Variants in RBFOX1 observed in about 807,000 individuals in gnomAD.
RBFOX1 encodes the protein RNA binding fox-1 homolog 1, also known as RNA binding protein fox-1 homolog 1.
In RBFOX1, 8 loss-of-function variants were observed where a neutral mutation model predicts 57.7. The ratio of observed to expected loss-of-function variants is 0.14; its 90% CI spans 0.08 to 0.25. The LOEUF is 0.25. Ranked by LOEUF, RBFOX1 falls within the 10% of genes least tolerant of loss-of-function variation. The pLI, the probability that RBFOX1 is intolerant of heterozygous loss-of-function variation, is 1.00. For missense variants in RBFOX1, 611 were observed against 548.5 expected, an observed-to-expected ratio of 1.11 and a Z score of -1.14; for synonymous variants, 326 against 222.4, an observed-to-expected ratio of 1.47 and a Z score of -4.15.
intron 1 of RBFOX1, among the ~76,000 whole-genome samples, chr16:6,295,608 A>C (rs1472563598): frequency 6.6e-6 from 1 of 152,224 alleles, no homozygotes; most frequent in Non-Finnish European, 1.5e-5. Context: ...ACATCCCTAA[A>C]AGCTGCAGAG....
chr16:6,111,352 C>T lies in RBFOX1; in HGVS notation c.-127+91360C>T, dbSNP rs546442276. ...TTGTTAGAACTAGTTTTATGGTGAA[C>T]TGGGATGGGCTTATTTTCTTGAAGC... On this transcript the variant is annotated intron_variant, in intron 1 of 15. Transcript: ENST00000550418. 5.3e-5 allele frequency among the ~76,000 whole-genome samples: 8 copies of T among 152,254 alleles called. No homozygotes were observed. The East Asian group carries it at 1.5e-3, about 29-fold the overall frequency.
chr16:6,416,449 C>T (rs1237637254), intron 2 of RBFOX1, among the ~76,000 whole-genome samples: 1 of 152,118 alleles, frequency 6.6e-6, no homozygotes. Context: ...CTAATTCCTT[C>T]CCTCCCTGCC....
At chr16:5,329,978 G>A (rs958109879) in intron 1 of RBFOX1, among the ~76,000 whole-genome samples, 13 of 46,662 alleles carry the variant, frequency 2.8e-4, no homozygotes, top group African/African-American at 3.4e-4. Context: ...GCGAGACTCT[G>A]TCTCAAAAAA....
chr16:6,922,239 C>T (rs1251692360), intron 3 of RBFOX1, among the ~76,000 whole-genome samples: 1 of 152,112 alleles, frequency 6.6e-6, no homozygotes, highest in East Asian at 1.9e-4. Flanking sequence ...TGGCATCGAT[C>T]TCAGAAAGAC....
intron 9 of RBFOX1, among the ~76,000 whole-genome samples, chr16:7,600,266 T>G (rs910709404): frequency 6.6e-6 from 1 of 152,198 alleles, no homozygotes; most frequent in Non-Finnish European, 1.5e-5. Context: ...ATAGACACAG[T>G]AGAATTTATT....
At chr16:6,451,431 T>C (rs1406465074) in intron 2 of RBFOX1, among the ~76,000 whole-genome samples, 1 of 152,152 alleles carries the variant, frequency 6.6e-6, no homozygotes, top group Non-Finnish European at 1.5e-5. Flanking sequence ...TCTCCATTGT[T>C]ATCACTAGGA....
At chr16:7,524,582 T>C (rs567183933) in intron 5 of RBFOX1, among the ~76,000 whole-genome samples, 19 of 152,298 alleles carry the variant, frequency 1.2e-4, no homozygotes, top group African/African-American at 4.6e-4. Context: ...CTGCAGTCTG[T>C]TGAAACGGCT....
rs71142686 is a variant in RBFOX1, at chr16:6,143,959, CTA to C, written c.-127+123989_-127+123990del. 1.6e-3 allele frequency among the ~76,000 whole-genome samples: 220 copies of C among 139,722 alleles called. No homozygotes were observed. In the East Asian group the frequency reaches 0.018, roughly 11 times the overall value. The allele number at this position is 139,722 out of a possible 152,430, so 91.7% of individuals were successfully genotyped here. A position where few individuals can be genotyped will look rare whatever the true frequency, so the allele number is the denominator to read the frequency against. On this transcript the variant is annotated intron_variant, in intron 1 of 15. Coordinates refer to ENST00000550418, the MANE Select transcript of RBFOX1 (RefSeq NM_018723.4). ...TGCAGGTGTGCAACACCATACTCAGCTATATATATATATATATATATATCTCT... is the reference window on the plus strand; with the variant it reads ...TGCAGGTGTGCAACACCATACTCAGCTATATATATATATATATATATCTCT...
chr16:6,550,107 C>A (rs1404627957), intron 2 of RBFOX1, among the ~76,000 whole-genome samples: 1 of 152,126 alleles, frequency 6.6e-6, no homozygotes, highest in Non-Finnish European at 1.5e-5. Flanking sequence ...AAACATTTTT[C>A]TCTTCGCTCT....
intron 2 of RBFOX1, among the ~76,000 whole-genome samples, chr16:6,621,289 G>A (rs907000444): frequency 2.7e-5 from 4 of 148,726 alleles, no homozygotes; most frequent in African/African-American, 5.0e-5. Flanking sequence ...GTGAAACCCC[G>A]TCTGTACTAA....
chr16:5,603,744 GTCATC>G (rs1391447068), downstream of RBFOX1, among the ~76,000 whole-genome samples: 2 of 152,196 alleles, frequency 1.3e-5, no homozygotes, highest in East Asian at 3.9e-4. Context: ...AAACATTGCA[GTCATC>G]TGTGATCATG....
intron 4 of RBFOX1, among the ~76,000 whole-genome samples, chr16:7,171,665 G>A (rs1258637666): frequency 6.6e-6 from 1 of 152,178 alleles, no homozygotes; most frequent in Non-Finnish European, 1.5e-5. Context: ...TGCCAGAAGG[G>A]CCATTGCAAA....
At chr16:5,474,589 G>A (rs2069253678) in intron 2 of RBFOX1, among the ~76,000 whole-genome samples, 1 of 152,166 alleles carries the variant, frequency 6.6e-6, no homozygotes, top group Non-Finnish European at 1.5e-5. Flanking sequence ...AGGAGGCAGA[G>A]GTTGCAGTGA....
chr16:6,288,188 T>G (rs771877956), intron 1 of RBFOX1, among the ~76,000 whole-genome samples: 5 of 151,964 alleles, frequency 3.3e-5, no homozygotes, highest in African/African-American at 4.8e-5. Flanking sequence ...GTTGTTGAAA[T>G]TTATGGAGAA....
At chr16:5,943,681 A>T (rs1350042983) in intron 4 of RBFOX1, among the ~76,000 whole-genome samples, 1 of 152,208 alleles carries the variant, frequency 6.6e-6, no homozygotes, top group African/African-American at 2.4e-5. Flanking sequence ...AAATCTGAGA[A>T]TTCGAAGGAG....
intron 3 of RBFOX1, among the ~76,000 whole-genome samples, chr16:6,809,545 C>T (rs2087872999): frequency 2.0e-5 from 3 of 152,108 alleles, no homozygotes; most frequent in South Asian, 2.1e-4. Flanking sequence ...TTCTGTGCAC[C>T]TGAGACTATA....
chr16:6,400,317 A>C (rs977264524), intron 2 of RBFOX1, among the ~76,000 whole-genome samples: 2 of 152,216 alleles, frequency 1.3e-5, no homozygotes, highest in African/African-American at 4.8e-5. Flanking sequence ...AAGTACCAAA[A>C]TTTTGGAAAT....
chr16:6,955,285 C>T (rs962079749), intron 3 of RBFOX1, among the ~76,000 whole-genome samples: 6 of 151,754 alleles, frequency 4.0e-5, no homozygotes, highest in Non-Finnish European at 5.9e-5. Flanking sequence ...AACTCCCTAG[C>T]GTACGATTAA....
chr16:6,708,277 A>C (rs2063115626), intron 3 of RBFOX1, among the ~76,000 whole-genome samples: 2 of 99,406 alleles, frequency 2.0e-5, no homozygotes, highest in Non-Finnish European at 4.6e-5. Context: ...ATAGTCCCAA[A>C]GCATTTTTGA....
Sources: allele counts gnomAD v4.1 joint callset (sites outside exome capture counted in the v4.1 genomes callset), GRCh38; gene constraint gnomAD v4.1.1; transcripts MANE v1.5; gene names NCBI Gene and HGNC (gene_info 2026-07-23, HGNC 2026-07-21).